Variants in DBX2 observed in about 807,000 individuals in gnomAD.
The protein encoded by DBX2 is homeobox protein DBX2.
A neutral mutation model predicts 17.7 loss-of-function variants in DBX2; 16 were observed. The ratio of observed to expected loss-of-function variants is 0.90; its 90% CI spans 0.61 to 1.37. The LOEUF is 1.37. Ranked by LOEUF, DBX2 falls within the 40% of genes most tolerant of loss-of-function variation. The pLI, the probability that DBX2 is intolerant of heterozygous loss-of-function variation, is 0.00. For missense variants in DBX2, 538 were observed against 433.8 expected, an observed-to-expected ratio of 1.24 and a Z score of -2.13; for synonymous variants, 255 against 183.8, an observed-to-expected ratio of 1.39 and a Z score of -3.13.
intron 1 of DBX2, among the ~76,000 whole-genome samples, chr12:45,039,161 T>C (rs117148184): frequency 0.014 from 2,092 of 150,940 alleles, 28 homozygotes; most frequent in Admixed American, 0.048. Context: ...AGTGCTTTTT[T>C]TTTTTACATG....
chr12:45,026,684 C>G (rs1946383236), intron 2 of DBX2, among the ~76,000 whole-genome samples: 1 of 152,232 alleles, frequency 6.6e-6, no homozygotes, highest in Non-Finnish European at 1.5e-5. Flanking sequence ...ACAAACATCT[C>G]CTGGCTAAGC....
At chr12:45,024,439 C>T (rs1306807339) in intron 2 of DBX2, among the ~76,000 whole-genome samples, 1 of 152,178 alleles carries the variant, frequency 6.6e-6, no homozygotes, top group Admixed American at 6.5e-5. Context: ...TCTTTGCTCC[C>T]CATTGTAGGG....
Position 45,050,787 on chromosome 12 carries a change from C to T in DBX2, c.141G>A (p.Gly47=). The part of the protein sequence containing the change: ...SFLIENLLRV[G]GAPTPRLQPP... ...GCTGCAGCCTGGGCGTTGGGGCGCC[C>T]CCGACCCGCAGCAAATTCTCGATCA... is the stretch of plus-strand genomic sequence containing the variant. The change falls in exon 1 of 4, where the codon GGG becomes GGA. Residue 47 remains glycine (G), a synonymous_variant. Coordinates refer to ENST00000332700, the MANE Select transcript of DBX2 (RefSeq NM_001004329.3). The T allele has an allele frequency of 6.6e-7, 1 of 1,525,688 alleles. No homozygotes were observed. Among genetic ancestry groups the T allele is most frequent in the Non-Finnish European group, 8.8e-7 (1 of 1,138,278 alleles). 94.5% of individuals were successfully genotyped at this position (1,525,688 alleles called of 1,614,324 possible). A position where few individuals can be genotyped will look rare whatever the true frequency, so the allele number is the denominator to read the frequency against.
At chr12:45,032,801 T>G (rs1239600844) in intron 2 of DBX2, among the ~76,000 whole-genome samples, 1 of 152,218 alleles carries the variant, frequency 6.6e-6, no homozygotes, top group Non-Finnish European at 1.5e-5. Context: ...AGTTGGATAC[T>G]CAAAGATGAA....
Position 45,050,716 on chromosome 12 carries a change from G to C in DBX2, c.212C>G (p.Ala71Gly), listed in dbSNP as rs1946527285. The C allele has an allele frequency of 6.7e-7, 1 of 1,493,330 alleles. No individual in the cohort carries two copies. The highest frequency in any genetic ancestry group is 8.9e-7 in the Non-Finnish European group (1 of 1,124,392). The allele number at this position is 1,493,330 out of a possible 1,614,324, so 92.5% of individuals were successfully genotyped here. A position where few individuals can be genotyped will look rare whatever the true frequency, so the allele number is the denominator to read the frequency against. ...GCTAGCAGGCAGGGGCCGGAGCTGC[G>C]CGCCCGCGGTGGCCAGGGCGGTCGC... The part of the protein sequence containing the change: ...DPATALATAG[A>G]QLRPLPASPV... The change falls in exon 1 of 4, where the codon GCG becomes GGG. Residue 71 changes from alanine (A) to glycine (G), a missense_variant. Transcript: ENST00000332700.
At chr12:45,032,780 G>A (rs918968515) in intron 2 of DBX2, among the ~76,000 whole-genome samples, 3 of 151,906 alleles carry the variant, frequency 2.0e-5, no homozygotes, top group Non-Finnish European at 2.9e-5. Context: ...AAAATTCAAA[G>A]GTCAAATTCA....
At chr12:45,030,189 T>C (rs933150430) in intron 2 of DBX2, among the ~76,000 whole-genome samples, 8 of 152,172 alleles carry the variant, frequency 5.3e-5, no homozygotes, top group African/African-American at 7.2e-5. Context: ...CTGGAAATCA[T>C]GACTTAACTC....
Position 45,050,820 on chromosome 12 carries a change from C to T in DBX2, c.108G>A (p.Lys36=), listed in dbSNP as rs1162411600. 6 of 1,538,906 alleles carry T rather than the reference C, an allele frequency of 3.9e-6. No individual in the cohort carries two copies. Among genetic ancestry groups the T allele is most frequent in the Non-Finnish European group, 4.4e-6 (5 of 1,145,334 alleles). ...PAAPGFGNLG[K]SFLIENLLRV... is the part of the protein sequence containing the mutation. Reference sequence around the variant, plus strand: ...GCAGCAAATTCTCGATCAGGAAACTCTTGCCCAGGTTGCCAAAGCCGGGCG... The same window carrying T: ...GCAGCAAATTCTCGATCAGGAAACTTTTGCCCAGGTTGCCAAAGCCGGGCG... The change falls in exon 1 of 4, where the codon AAG becomes AAA. Residue 36 remains lysine (K), a synonymous_variant. Coordinates refer to ENST00000332700, the MANE Select transcript of DBX2 (RefSeq NM_001004329.3).
intron 2 of DBX2, among the ~76,000 whole-genome samples, chr12:45,031,223 TGTGAGAGA>T (rs1372196869): frequency 1.6e-4 from 7 of 44,228 alleles, no homozygotes; most frequent in African/African-American, 5.4e-4. Context: ...TGTGTGTGTG[TGTGAGAGA>T]GAGAGAGAGA....
In DBX2 at chr12:45,045,751, G is replaced by A. The variant is rs546369187; in HGVS notation, c.403+4774C>T. Among the ~76,000 whole-genome samples, 83 of 152,108 alleles carry A rather than the reference G, an allele frequency of 5.5e-4. No homozygotes were observed. In the South Asian group the frequency reaches 7.7e-3, roughly 14 times the overall value. On this transcript the variant is annotated intron_variant, in intron 1 of 3. Transcript: ENST00000332700. ...TTGTTTGTTTTTTAGACAGAGTCTCGCTCTGTTGCCCAGGCTGGAGTGCAG... is the reference window on the plus strand; with the variant it reads ...TTGTTTGTTTTTTAGACAGAGTCTCACTCTGTTGCCCAGGCTGGAGTGCAG...
chr12:45,040,820 T>C (rs1946467244), intron 1 of DBX2, among the ~76,000 whole-genome samples: 1 of 152,156 alleles, frequency 6.6e-6, no homozygotes, highest in Admixed American at 6.5e-5. Flanking sequence ...TATTCTCCTT[T>C]AGTAATGGAG....
chr12:45,024,584 T>G (rs1450980389), intron 2 of DBX2, among the ~76,000 whole-genome samples: 2 of 152,214 alleles, frequency 1.3e-5, no homozygotes, highest in African/African-American at 4.8e-5. Context: ...AATTCTTCAT[T>G]TGTTTATTTA....
chr12:45,043,115 A>G (rs1276132339), intron 1 of DBX2, among the ~76,000 whole-genome samples: 1 of 152,226 alleles, frequency 6.6e-6, no homozygotes, highest in Non-Finnish European at 1.5e-5. Context: ...CTACTCCAGC[A>G]GAAGACAGAC....
Position 45,015,692 on chromosome 12 carries a change from A to G in DBX2, c.*594T>C, listed in dbSNP as rs1284005562. The G allele has an allele frequency of 6.6e-6, 1 of 152,178 alleles. No individual in the cohort carries two copies. The highest frequency in any genetic ancestry group is 1.5e-5 in the Non-Finnish European group (1 of 68,036). 9.4% of individuals were successfully genotyped at this position (152,178 alleles called of 1,614,324 possible). ...CTTGTTAGGTTCATTTTAAATATAT[A>G]TTCTCAGTGTATGTATCTAGCAGTG... On this transcript the variant is annotated 3_prime_UTR_variant, in exon 4 of 4. Coordinates refer to ENST00000332700, the MANE Select transcript of DBX2 (RefSeq NM_001004329.3).
At chr12:45,030,528 C>A (rs1466112904) in intron 2 of DBX2, among the ~76,000 whole-genome samples, 1 of 151,980 alleles carries the variant, frequency 6.6e-6, no homozygotes, top group Non-Finnish European at 1.5e-5. Context: ...TACTCTTTGC[C>A]CCAGGATAGC....
rs563635552 is a variant in DBX2, at chr12:45,043,105, C to T, written c.404-6991G>A. 4.6e-5 allele frequency among the ~76,000 whole-genome samples: 7 copies of T among 152,264 alleles called. No homozygotes were observed. In the South Asian group the frequency reaches 8.3e-4, roughly 18 times the overall value. Reference sequence around the variant, plus strand: ...CTGTGTGATTAATTCCTGCATTGGTCTACTCCAGCAGAAGACAGACCTAGC... The same window carrying T: ...CTGTGTGATTAATTCCTGCATTGGTTTACTCCAGCAGAAGACAGACCTAGC... On this transcript the variant is annotated intron_variant, in intron 1 of 3. Coordinates refer to ENST00000332700, the MANE Select transcript of DBX2 (RefSeq NM_001004329.3).
chr12:45,049,428 G>A (rs1197813402), intron 1 of DBX2, among the ~76,000 whole-genome samples: 1 of 152,138 alleles, frequency 6.6e-6, no homozygotes, highest in Non-Finnish European at 1.5e-5. Context: ...TTTTACACTA[G>A]GTGAATGAGA....
At chr12:45,022,749 T>C (rs1173722328) in intron 3 of DBX2, among the ~76,000 whole-genome samples, 2 of 152,216 alleles carry the variant, frequency 1.3e-5, no homozygotes, top group Non-Finnish European at 2.9e-5. Flanking sequence ...GATGTAGGCC[T>C]GCAACAGAAA....
chr12:45,038,503 ATGTG>A (rs1251747110), intron 1 of DBX2, among the ~76,000 whole-genome samples: 1 of 151,078 alleles, frequency 6.6e-6, no homozygotes, highest in African/African-American at 2.4e-5. Flanking sequence ...TGTATGCAAT[ATGTG>A]TGTGTGTATA....
Sources: gnomAD v4.1 joint callset for allele counts (sites outside exome capture counted in the v4.1 genomes callset) on GRCh38, gnomAD v4.1.1 for gene constraint, MANE v1.5 for transcripts, NCBI Gene and HGNC (gene_info 2026-07-23, HGNC 2026-07-21) for gene names.